The following INPP4B variants were observed in gnomAD, a reference collection of about 807,000 sequenced individuals.
INPP4B encodes the protein inositol polyphosphate-4-phosphatase type II B.
In INPP4B, 55 loss-of-function variants were observed where a neutral mutation model predicts 122.5. That is an observed-to-expected ratio of 0.45 (90% confidence interval 0.36 to 0.56). INPP4B has a LOEUF of 0.56. INPP4B is among the 20% of genes least tolerant of loss of function. The probability of loss-of-function intolerance (pLI) is 0.00; values close to 1 mark genes in which losing one functional copy is unlikely to be tolerated. For synonymous variants in INPP4B, 403 were observed against 388.7 expected, an observed-to-expected ratio of 1.04 and a Z score of -0.43; for missense variants, 1,000 against 1,097.7, an observed-to-expected ratio of 0.91 and a Z score of 1.26.
intron 2 of INPP4B, among the ~76,000 whole-genome samples, chr4:142,492,352 G>T (rs1821988097): frequency 1.3e-5 from 2 of 152,112 alleles, no homozygotes; most frequent in Admixed American, 1.3e-4. Flanking sequence ...TTGGAACTGG[G>T]TAACAGGCAG....
At chr4:142,289,111 T>C (rs1755191161) in intron 9 of INPP4B, among the ~76,000 whole-genome samples, 1 of 152,180 alleles carries the variant, frequency 6.6e-6, no homozygotes, top group Admixed American at 6.6e-5. Flanking sequence ...AATTGATGTG[T>C]TATGGGACTG....
chr4:142,145,698 CAAGCCAGAGCAGTGGAA>C lies in INPP4B; in HGVS notation c.1720+125_1720+141del, dbSNP rs1397586500. 42 of 730,770 alleles carry C rather than the reference CAAGCCAGAGCAGTGGAA, an allele frequency of 5.7e-5. 1 individual carries two copies. The highest frequency in any genetic ancestry group is 1.6e-4 in the Admixed American group (6 of 38,652). 45.3% of individuals were successfully genotyped at this position (730,770 alleles called of 1,614,324 possible). On this transcript the variant is annotated intron_variant, in intron 18 of 25. Coordinates refer to ENST00000262992, the MANE Select transcript of INPP4B (RefSeq NM_001101669.3). ...ATTTGATAAATAGCCTTCCATCATC[CAAGCCAGAGCAGTGGAA>C]AAGCATGCTATCAGCACTCTCATCA...
rs2152237062 is a variant in INPP4B at position 142,023,413 on chromosome 4, A to C, written c.*5369T>G. ...CTAAAAGTTAAATGTTAGATTAAAT[A>C]AAATTATAAAATATCCACACGAGAA... On this transcript the variant is annotated 3_prime_UTR_variant, in exon 26 of 26. Coordinates refer to ENST00000262992, the MANE Select transcript of INPP4B (RefSeq NM_001101669.3). 6.6e-6 allele frequency: 1 copy of C among 152,346 alleles called. No homozygotes were observed. Among genetic ancestry groups the C allele is most frequent in the Non-Finnish European group, 1.5e-5 (1 of 68,032 alleles). 9.4% of individuals were successfully genotyped at this position (152,346 alleles called of 1,614,324 possible). A position where few individuals can be genotyped will look rare whatever the true frequency, so the allele number is the denominator to read the frequency against.
intron 2 of INPP4B, among the ~76,000 whole-genome samples, chr4:142,591,131 A>C (rs1008234849): frequency 1.3e-5 from 2 of 152,036 alleles, no homozygotes; most frequent in African/African-American, 4.8e-5. Context: ...CCTTGGCAAC[A>C]TTGCAAAGTA....
chr4:142,720,741 T>TATATAC (rs1553997308), intron 2 of INPP4B, among the ~76,000 whole-genome samples: 5 of 18,480 alleles, frequency 2.7e-4, no homozygotes, highest in East Asian at 3.1e-3. Context: ...CATATATATA[T>TATATAC]ATATATACAT....
intron 1 of INPP4B, among the ~76,000 whole-genome samples, chr4:142,804,558 C>G (rs1258007353): frequency 6.6e-6 from 1 of 152,198 alleles, no homozygotes. Context: ...CACTTTGACA[C>G]TTTTGATTCC....
At chr4:142,363,957 T>C (rs913835369) in intron 7 of INPP4B, among the ~76,000 whole-genome samples, 1 of 152,036 alleles carries the variant, frequency 6.6e-6, no homozygotes, top group South Asian at 2.1e-4. Context: ...CTCCCATCCT[T>C]GGGCTTGTTC....
At chr4:142,622,442 A>G (rs1168709566) in intron 2 of INPP4B, among the ~76,000 whole-genome samples, 1 of 151,954 alleles carries the variant, frequency 6.6e-6, no homozygotes, top group East Asian at 1.9e-4. Flanking sequence ...TTAAAGCAAT[A>G]GGGAATTGGG....
chr4:142,530,097 GA>G (rs1406118011), intron 2 of INPP4B, among the ~76,000 whole-genome samples: 7 of 152,056 alleles, frequency 4.6e-5, no homozygotes, highest in Non-Finnish European at 1.5e-5. Flanking sequence ...AACTCCAATG[GA>G]TAGATGGCTG....
intron 16 of INPP4B, among the ~76,000 whole-genome samples, chr4:142,171,020 C>T (rs1313322236): frequency 6.6e-6 from 1 of 151,658 alleles, no homozygotes; most frequent in Non-Finnish European, 1.5e-5. Context: ...CTGGAATATG[C>T]CCTCTCAGCA....
chr4:142,597,260 G>A (rs555460573), intron 2 of INPP4B, among the ~76,000 whole-genome samples: 1 of 152,184 alleles, frequency 6.6e-6, no homozygotes, highest in African/African-American at 2.4e-5. Flanking sequence ...TCTTCAAAGA[G>A]TCTTTAAGAT....
intron 3 of INPP4B, among the ~76,000 whole-genome samples, chr4:142,450,975 TC>T (rs34678278): frequency 3.1e-4 from 46 of 146,308 alleles, no homozygotes; most frequent in African/African-American, 4.6e-4. Flanking sequence ...TAAAATTAAC[TC>T]CCCCCCCCAA....
chr4:142,794,111 C>G (rs1474634567), intron 1 of INPP4B, among the ~76,000 whole-genome samples: 3 of 151,922 alleles, frequency 2.0e-5, no homozygotes, highest in African/African-American at 4.8e-5. Context: ...ATGTATGTAT[C>G]TATCTATCAC....
chr4:142,202,121 T>C (rs997840536), intron 14 of INPP4B, among the ~76,000 whole-genome samples: 1 of 152,024 alleles, frequency 6.6e-6, no homozygotes, highest in Non-Finnish European at 1.5e-5. Context: ...AAGTAATAGA[T>C]AAAAAGTAAT....
chr4:142,838,415 T>A (rs993690939), intron 1 of INPP4B, among the ~76,000 whole-genome samples: 2 of 152,058 alleles, frequency 1.3e-5, no homozygotes, highest in African/African-American at 4.8e-5. Context: ...GCTGTATCAA[T>A]TATTTCTCAT....
At chr4:142,185,885 T>TAAAAAAAAAAAA (rs10632593) in intron 15 of INPP4B, among the ~76,000 whole-genome samples, 2 of 129,838 alleles carry the variant, frequency 1.5e-5, no homozygotes, top group African/African-American at 2.9e-5. Context: ...TCTCAAAACA[T>TAAAAAAAAAAAA]AAAAAAAAAA....
chr4:142,365,159 C>T (rs1441865405), intron 7 of INPP4B, among the ~76,000 whole-genome samples: 1 of 151,992 alleles, frequency 6.6e-6, no homozygotes, highest in African/African-American at 2.4e-5. Flanking sequence ...ATGAAAAATG[C>T]CTTGAAAGTA....
Position 142,095,306 on chromosome 4 carries a change from T to A in INPP4B, c.2375-9050A>T, listed in dbSNP as rs927077647. On this transcript the variant is annotated intron_variant, in intron 23 of 25. Transcript: ENST00000262992. ...AGGAGAATGGTAAATAAAGAGTGAA[T>A]GTTTGGAAGAGTGCTATGCCAAATA... Among the ~76,000 whole-genome samples the A allele has an allele frequency of 2.0e-4, 30 of 152,240 alleles. 1 individual carries two copies. The highest frequency in any genetic ancestry group is 1.9e-3 in the Admixed American group (29 of 15,274).
At position 142,674,144 on chromosome 4, in the gene INPP4B, G is replaced by T. The variant is rs188552797; in HGVS notation, c.-191+51695C>A. On this transcript the variant is annotated intron_variant, in intron 2 of 25. Transcript: ENST00000262992. Reference sequence around the variant, plus strand: ...GGGTCTTTCCAAGGCTCTCCCTATGGGTCGTCTGAGGCCTCTATTGCAATT... The same window carrying T: ...GGGTCTTTCCAAGGCTCTCCCTATGTGTCGTCTGAGGCCTCTATTGCAATT... Among the ~76,000 whole-genome samples the T allele has an allele frequency of 5.8e-4, 88 of 152,194 alleles. 1 individual carries two copies. Among genetic ancestry groups the T allele is most frequent in the African/African-American group, 2.1e-3 (86 of 41,548 alleles).
Sources: gnomAD v4.1 joint callset for allele counts (sites outside exome capture counted in the v4.1 genomes callset) on GRCh38, gnomAD v4.1.1 for gene constraint, MANE v1.5 for transcripts, NCBI Gene and HGNC (gene_info 2026-07-23, HGNC 2026-07-21) for gene names.